CECR2: variants seen among roughly 807,000 people sequenced by gnomAD.
CECR2 encodes CECR2 histone acetyl-lysine reader, also known as chromatin remodeling regulator CECR2.
CECR2 carries 30 observed loss-of-function variants against 154.5 expected under a neutral mutation model. The ratio of observed to expected loss-of-function variants is 0.19; its 90% CI spans 0.15 to 0.26. CECR2 has a LOEUF of 0.26. Among genes scored for constraint, CECR2 ranks in the 10% least tolerant of loss-of-function variants. CECR2 has a pLI of 1.00. For missense variants in CECR2, 1,743 were observed against 1,829.3 expected (o/e 0.95, Z 0.86); for synonymous variants, 725 against 683.7 (o/e 1.06, Z -0.94).
At chr22:17,529,905 GAAAT>G (rs2056327758) in intron 9 of CECR2, among the ~76,000 whole-genome samples, 2 of 152,272 alleles carry the variant, frequency 1.3e-5, no homozygotes, top group East Asian at 1.9e-4. Context: ...CAAAAAAAGA[GAAAT>G]AATCAATTAT....
At chr22:17,386,465 G>T (rs1487521422) in intron 1 of CECR2, among the ~76,000 whole-genome samples, 1 of 152,162 alleles carries the variant, frequency 6.6e-6, no homozygotes, top group Admixed American at 6.5e-5. Flanking sequence ...GAGGTCAGTT[G>T]TAGGGCCCCC....
chr22:17,462,016 C>A (rs1294881363), intron 1 of CECR2, among the ~76,000 whole-genome samples: 1 of 152,004 alleles, frequency 6.6e-6, no homozygotes, highest in East Asian at 2.0e-4. Context: ...TGATCTCGAA[C>A]TCCTGACCTC....
At chr22:17,469,471 C>G (rs1027438589) in intron 1 of CECR2, among the ~76,000 whole-genome samples, 3 of 152,196 alleles carry the variant, frequency 2.0e-5, no homozygotes, top group African/African-American at 7.2e-5. Context: ...ATTCTTGGCC[C>G]GCGACAGCGC....
intron 1 of CECR2, among the ~76,000 whole-genome samples, chr22:17,469,490 T>G (rs966071180): frequency 6.6e-6 from 1 of 152,232 alleles, no homozygotes; most frequent in Non-Finnish European, 1.5e-5. Flanking sequence ...GCGTCATCAC[T>G]GTCTCTCCCC....
chr22:17,522,689 A>G (rs1355703221), intron 8 of CECR2, among the ~76,000 whole-genome samples: 2 of 152,140 alleles, frequency 1.3e-5, no homozygotes, highest in African/African-American at 2.4e-5. Flanking sequence ...AGATTTTTGA[A>G]TGGTGAAAAT....
Position 17,503,102 on chromosome 22 carries a change from C to A in CECR2, c.671C>A (p.Ser224Tyr). 6.2e-7 allele frequency: 1 copy of A among 1,610,866 alleles called. No individual in the cohort carries two copies. The highest frequency in any genetic ancestry group is 1.1e-5 in the South Asian group (1 of 90,474). The change falls in exon 6 of 19, where the codon TCC becomes TAC. Residue 224 changes from serine to tyrosine, a missense_variant. Physicochemically the swap from Ser to Tyr is moderately radical, Grantham distance 144. This residue lies in a region of CECR2 where 292 missense variants were observed against 301.2 expected (regional missense o/e 0.97). Transcript: ENST00000262608. ...ILLSEKQEEN[S>Y]LASEPQTRHG... ...TTCAGTGAAAAGCAGGAAGAAAATT[C>A]CTTGGCATCCGAGCCACAGACAAGA...
At chr22:17,505,534 C>CTTTTTTTTTTTTTTTTTTTT (rs11387639) in intron 7 of CECR2, among the ~76,000 whole-genome samples, 1 of 98,838 alleles carries the variant, frequency 1.0e-5, no homozygotes, top group Non-Finnish European at 1.9e-5. Flanking sequence ...CCTCTTTTTC[C>CTTTTTTTTTTTTTTTTTTTT]TTTTTTTTTT....
intron 1 of CECR2, among the ~76,000 whole-genome samples, chr22:17,425,736 C>A (rs1384504817): frequency 7.4e-6 from 1 of 134,844 alleles, no homozygotes; most frequent in Non-Finnish European, 1.6e-5. Flanking sequence ...GCGGATAGAC[C>A]AAGGGTCTAA....
chr22:17,479,352 A>ACACT (rs1944361490), intron 2 of CECR2, among the ~76,000 whole-genome samples: 4 of 152,206 alleles, frequency 2.6e-5, no homozygotes, highest in Admixed American at 2.6e-4. Context: ...GGCAGCACAA[A>ACACT]CACTCACCAG....
chr22:17,469,098 A>AGTGTGT (rs146819561), intron 1 of CECR2, among the ~76,000 whole-genome samples: 1 of 151,766 alleles, frequency 6.6e-6, no homozygotes, highest in South Asian at 2.1e-4. Flanking sequence ...GTACAATTTC[A>AGTGTGT]GTGTGTGTGT....
chr22:17,382,182 G>GCACA (rs2063205767), intron 1 of CECR2, among the ~76,000 whole-genome samples: 6 of 152,118 alleles, frequency 3.9e-5, no homozygotes, highest in South Asian at 2.1e-4. Flanking sequence ...GAGCCACTGT[G>GCACA]CCCGGCCAGA....
At chr22:17,381,943 A>G (rs1238758968) in intron 1 of CECR2, among the ~76,000 whole-genome samples, 2 of 151,104 alleles carry the variant, frequency 1.3e-5, no homozygotes, top group Non-Finnish European at 2.9e-5. Context: ...GCTGGAGTGC[A>G]GTGGCACAAT....
intron 2 of CECR2, among the ~76,000 whole-genome samples, chr22:17,483,595 G>GAA (rs932395878): frequency 4.6e-4 from 69 of 149,830 alleles, no homozygotes; most frequent in African/African-American, 1.6e-3. Flanking sequence ...CTACAGAGCA[G>GAA]AAAAAAAAAG....
In CECR2 at chr22:17,401,058, C is replaced by T. The variant is rs558257194; in HGVS notation, c.126+31149C>T. 3.3e-5 allele frequency among the ~76,000 whole-genome samples: 5 copies of T among 152,036 alleles called. No individual in the cohort carries two copies. In the South Asian group the frequency reaches 8.3e-4, roughly 25 times the overall value. Reference sequence around the variant, plus strand: ...CTGGGATTACAGGTGTGAGCCACCGCGACCAGTCCCCAGGGGAGTCTTATT... The same window carrying T: ...CTGGGATTACAGGTGTGAGCCACCGTGACCAGTCCCCAGGGGAGTCTTATT... On this transcript the variant is annotated intron_variant, in intron 1 of 18. Coordinates refer to ENST00000262608, the MANE Select transcript of CECR2 (RefSeq NM_001290047.2).
intron 1 of CECR2, among the ~76,000 whole-genome samples, chr22:17,373,517 A>G (rs2063084369): frequency 6.6e-6 from 1 of 152,220 alleles, no homozygotes; most frequent in Non-Finnish European, 1.5e-5. Context: ...ACTCAGGGAT[A>G]AAAGTGATTC....
intron 1 of CECR2, among the ~76,000 whole-genome samples, chr22:17,462,716 C>G (rs541440590): frequency 4.6e-5 from 7 of 152,200 alleles, no homozygotes; most frequent in East Asian, 3.9e-4. Flanking sequence ...GAGTTCAAGA[C>G]CAGCCTGGCC....
intron 17 of CECR2, chr22:17,550,398 ACT>A (rs552136248): frequency 2.9e-3 from 405 of 141,474 alleles, no homozygotes; most frequent in African/African-American, 0.011. Context: ...ATGTGGAGAC[ACT>A]CTGACCAAGG....
chr22:17,426,866 AT>A (rs201695307), intron 1 of CECR2, among the ~76,000 whole-genome samples: 7 of 151,020 alleles, frequency 4.6e-5, no homozygotes, highest in African/African-American at 7.3e-5. Flanking sequence ...GGGAACACAA[AT>A]TTTTTTTTTA....
chr22:17,538,994 C>A lies in CECR2; in HGVS notation c.1370C>A (p.Ala457Asp). 3 of 1,612,828 alleles carry A rather than the reference C, an allele frequency of 1.9e-6. No homozygotes were observed. The highest frequency in any genetic ancestry group is 1.3e-5 in the African/African-American group (1 of 74,962). The change falls in exon 13 of 19, where the codon GCC becomes GAC. Residue 457 changes from alanine to aspartate, a missense_variant and splice_region_variant. Ala to Asp is a moderately radical substitution (Grantham distance 126, BLOSUM62 -2). Transcript: ENST00000262608. Reference sequence around the variant, plus strand: ...TAAAGAGTTATGTGTCTCGTTTAGGCCCCCATGGATATTTCCAGCATGGAG... The same window carrying A: ...TAAAGAGTTATGTGTCTCGTTTAGGACCCCATGGATATTTCCAGCATGGAG... ...YAPNYYQIIKAPMDISSMEKK... is the reference protein window; with the variant it reads ...YAPNYYQIIKDPMDISSMEKK...
Sources: allele counts gnomAD v4.1 joint callset (sites outside exome capture counted in the v4.1 genomes callset), GRCh38; gene constraint gnomAD v4.1.1; regional missense constraint gnomAD v4.1.1; transcripts MANE v1.5; gene names NCBI Gene and HGNC (gene_info 2026-07-23, HGNC 2026-07-21).